ERAP2: variants seen among roughly 807,000 people sequenced by gnomAD.
ERAP2 encodes endoplasmic reticulum aminopeptidase 2.
A neutral mutation model predicts 111.1 loss-of-function variants in ERAP2; 118 were observed. The ratio of observed to expected loss-of-function variants is 1.06; its 90% CI spans 0.92 to 1.24. The LOEUF is 1.24. Ranked by LOEUF, ERAP2 falls within the 50% of genes most tolerant of loss-of-function variation. The probability of loss-of-function intolerance (pLI) is 0.00; values close to 1 mark genes in which losing one functional copy is unlikely to be tolerated. For synonymous variants in ERAP2, 410 were observed against 401.2 expected (o/e 1.02, Z -0.26); for missense variants, 1,131 against 1,125.8 (o/e 1.00, Z -0.07).
intron 17 of ERAP2, among the ~76,000 whole-genome samples, chr5:96,914,144 T>TCACACACACACACACA (rs1218635569): frequency 2.0e-5 from 2 of 101,530 alleles, no homozygotes; most frequent in African/African-American, 8.2e-5. Context: ...TCTCTCTCTC[T>TCACACACACACACACA]CTCTCACACA....
rs1784902748 is a variant in ERAP2 at position 96,896,790 on chromosome 5, G to GAATA, written c.1432_1435dup (p.Ile479AsnfsTer11). ...CTGGGTGAGGAGAAATTCCAGAAAG[G>GAATA]AATAATTCAGTACTTAAAGAAGTTC... On this transcript the variant is annotated frameshift_variant, in exon 9 of 19. Transcript: ENST00000437043. LOFTEE classifies it high-confidence loss of function. 7.1e-7 allele frequency: 1 copy of GAATA among 1,401,868 alleles called. No homozygotes were observed. Among genetic ancestry groups the GAATA allele is most frequent in the Non-Finnish European group, 9.4e-7 (1 of 1,067,036 alleles). The allele number at this position is 1,401,868 out of a possible 1,614,324, so 86.8% of individuals were successfully genotyped here.
chr5:96,892,363 G>C lies in ERAP2; in HGVS notation c.1035G>C (p.Arg345Ser). Residue 345 changes from arginine (R) to serine (S), a missense_variant, in exon 6 of 19, where the codon AGG (arginine) becomes AGC (serine). Coordinates refer to ENST00000437043, the MANE Select transcript of ERAP2 (RefSeq NM_022350.5). Reference sequence around the variant, plus strand: ...AAAATTGGGGCCTCATTACATATAGGGAGACGTCACTGCTTTTTGACCCCA... The same window carrying C: ...AAAATTGGGGCCTCATTACATATAGCGAGACGTCACTGCTTTTTGACCCCA... Reference protein sequence around the residue: ...AMENWGLITYRETSLLFDPKT... With the variant: ...AMENWGLITYSETSLLFDPKT... 1.2e-6 allele frequency: 2 copies of C among 1,613,976 alleles called. No homozygotes were observed. Among genetic ancestry groups the C allele is most frequent in the Non-Finnish European group, 1.7e-6 (2 of 1,179,908 alleles).
chr5:96,899,853 A>G (rs1409607821), intron 9 of ERAP2, among the ~76,000 whole-genome samples: 1 of 152,224 alleles, frequency 6.6e-6, no homozygotes, highest in Non-Finnish European at 1.5e-5. Context: ...CAACAAATTG[A>G]TTCTTCCTTA....
chr5:96,903,939 C>T (rs1055850018), intron 13 of ERAP2, among the ~76,000 whole-genome samples: 9 of 152,192 alleles, frequency 5.9e-5, no homozygotes, highest in African/African-American at 2.2e-4. Context: ...CCCAAATGGC[C>T]TGTTTCATTC....
Position 96,917,478 on chromosome 5 carries a change from A to G in ERAP2, c.2756A>G (p.Glu919Gly). The G allele has an allele frequency of 1.2e-6, 2 of 1,602,470 alleles. No individual in the cohort carries two copies. The highest frequency in any genetic ancestry group is 8.5e-7 in the Non-Finnish European group (1 of 1,174,474). ...DKLQEVKLFF[E>G]SLEAQGSHLD... ...ATTTTACAGGTGAAACTATTTTTTG[A>G]ATCTCTTGAGGCTCAAGGATCACAT... The change falls in exon 19 of 19, where the codon GAA becomes GGA. Residue 919 changes from glutamate (E) to glycine (G), a missense_variant. Coordinates refer to ENST00000437043, the MANE Select transcript of ERAP2 (RefSeq NM_022350.5).
intron 9 of ERAP2, among the ~76,000 whole-genome samples, chr5:96,898,545 T>C (rs1785103530): frequency 7.4e-6 from 1 of 134,992 alleles, no homozygotes; most frequent in South Asian, 2.3e-4. Flanking sequence ...CTGGCCAACA[T>C]GGTGAAAACC....
intron 17 of ERAP2, among the ~76,000 whole-genome samples, 162 bp downstream of exon 17, chr5:96,913,619 G>A (rs2255633): frequency 0.54 from 82,399 of 151,982 alleles, 22,413 homozygotes; most frequent in Admixed American, 0.59. Flanking sequence ...AAATTATCCT[G>A]TCCAGGAGTA....
At chr5:96,901,370 C>G (rs1013275322) in intron 10 of ERAP2, 136 bp from the exon 11 acceptor site, 1 of 940,660 alleles carries the variant, frequency 1.1e-6, no homozygotes, top group Non-Finnish European at 1.6e-6. Flanking sequence ...CCTGGATTAC[C>G]CTTCCCTGAG....
chr5:96,911,929 C>G (rs1403848995), intron 15 of ERAP2, among the ~76,000 whole-genome samples: 1 of 149,638 alleles, frequency 6.7e-6, no homozygotes, highest in African/African-American at 2.5e-5. Flanking sequence ...GTGGCTCACG[C>G]CTGTAATCCC....
chr5:96,883,981 G>T, intron 3 of ERAP2, 51 bp downstream of exon 3: 1 of 1,502,632 alleles, frequency 6.7e-7, no homozygotes, highest in Admixed American at 2.4e-5. Context: ...TTGAGACTCA[G>T]TCTTCGTTTG....
chr5:96,901,380 G>A (rs1785443878), intron 10 of ERAP2, 126 bp from the exon 11 acceptor site: 3 of 1,034,934 alleles, frequency 2.9e-6, no homozygotes, highest in Non-Finnish European at 4.3e-6. Context: ...CCTTCCCTGA[G>A]ATACCAGTCC....
At chr5:96,908,793 G>T (rs1786379918) in intron 13 of ERAP2, among the ~76,000 whole-genome samples, 168 bp from the exon 14 acceptor site, 1 of 152,182 alleles carries the variant, frequency 6.6e-6, no homozygotes, top group Non-Finnish European at 1.5e-5. Context: ...TTGGTAATTT[G>T]TCCAAGATTA....
chr5:96,907,409 G>A lies in ERAP2; in HGVS notation c.2013-1552G>A, dbSNP rs573238931. On this transcript the variant is annotated intron_variant, in intron 13 of 18. Transcript: ENST00000437043. Reference sequence around the variant, plus strand: ...GTAAGAAATCAATTAGGCTGGGCTGGAAAGAAAAACTGGCTTAATATAAAG... The same window carrying A: ...GTAAGAAATCAATTAGGCTGGGCTGAAAAGAAAAACTGGCTTAATATAAAG... Among the ~76,000 whole-genome samples the A allele has an allele frequency of 6.7e-4, 102 of 152,268 alleles. 1 individual carries two copies. Among genetic ancestry groups the A allele is most frequent in the Middle Eastern group, 6.8e-3 (2 of 294 alleles).
chr5:96,916,586 C>T (rs1354672187), intron 18 of ERAP2, among the ~76,000 whole-genome samples: 1 of 150,888 alleles, frequency 6.6e-6, no homozygotes, highest in African/African-American at 2.4e-5. Context: ...GCCTCAGCCT[C>T]CCGAGTAGCT....
chr5:96,902,280 G>A lies in ERAP2; in HGVS notation c.1755G>A (p.Leu585=), dbSNP rs1348520764. 6.2e-7 allele frequency: 1 copy of A among 1,603,276 alleles called. No homozygotes were observed. Among genetic ancestry groups the A allele is most frequent in the Non-Finnish European group, 8.5e-7 (1 of 1,170,334 alleles). Residue 585 remains leucine (L), a synonymous_variant, in exon 12 of 19, where the codon CTG becomes CTA. Transcript: ENST00000437043. Reference sequence around the variant, plus strand: ...TCTTTACTCTCTGTCATAGGTACCTGTGGCATATCCCATTGACCTACTCCA... The same window carrying A: ...TCTTTACTCTCTGTCATAGGTACCTATGGCATATCCCATTGACCTACTCCA... ...PEWRALQERY[L]WHIPLTYSTS...
chr5:96,913,344 G>T lies in ERAP2; in HGVS notation c.2544G>T (p.Lys848Asn), dbSNP rs751679356. Residue 848 changes from lysine (K) to asparagine (N), a missense_variant, in exon 17 of 19, where the codon AAG becomes AAT. Lys to Asn is a moderately conservative substitution (Grantham distance 94). Around this residue, in one of 3 missense-constraint regions of ERAP2, gnomAD observed 279 missense variants for 250.9 expected, o/e 1.11. Coordinates refer to ENST00000437043, the MANE Select transcript of ERAP2 (RefSeq NM_022350.5). The stretch of plus-strand genomic sequence containing the variant: ...TAATTGAACTAGGAATGGAAGGAAA[G>T]GTTATCAAGACACAGAACTTGGCAG... ...LKLIELGMEGKVIKTQNLAAL... is the reference protein window; with the variant it reads ...LKLIELGMEGNVIKTQNLAAL... 6.2e-7 allele frequency: 1 copy of T among 1,614,058 alleles called. No homozygotes were observed. Among genetic ancestry groups the T allele is most frequent in the South Asian group, 1.1e-5 (1 of 91,070 alleles).
intron 2 of ERAP2, among the ~76,000 whole-genome samples, chr5:96,882,939 A>C (rs1222936968): frequency 6.6e-6 from 1 of 152,114 alleles, no homozygotes; most frequent in Non-Finnish European, 1.5e-5. Context: ...TTCACTTCTT[A>C]ATTGAAGCTT....
chr5:96,900,025 A>G, intron 9 of ERAP2, 96 bp from the exon 10 acceptor site: 1 of 1,376,674 alleles, frequency 7.3e-7, no homozygotes. Flanking sequence ...TATTTCATAT[A>G]GCTCTTTTAA....
intron 1 of ERAP2, among the ~76,000 whole-genome samples, chr5:96,878,361 C>G (rs1437604817): frequency 7.9e-5 from 12 of 151,682 alleles, no homozygotes; most frequent in African/African-American, 2.9e-4. Context: ...TGAGGCCATT[C>G]AGATAATGTT....
Sources: gnomAD v4.1 joint callset for allele counts (sites outside exome capture counted in the v4.1 genomes callset) on GRCh38, gnomAD v4.1.1 for gene constraint, gnomAD v4.1.1 regional missense constraint, MANE v1.5 for transcripts, NCBI Gene and HGNC (gene_info 2026-07-23, HGNC 2026-07-21) for gene names.